Variants in REDIC1 observed in about 807,000 individuals in gnomAD.
REDIC1 encodes the protein HEI10 Interacting Protein 1.
At chr12:39,649,736 C>A in the REDIC1 span, among the ~76,000 whole-genome samples, 1 of 151,838 alleles carries the variant, frequency 6.6e-6, no homozygotes, top group African/African-American at 2.4e-5. Context: ...AGGGTACTTT[C>A]CACATTAACA....
the REDIC1 span, among the ~76,000 whole-genome samples, chr12:39,711,560 CATGTGT>C: frequency 2.4e-5 from 1 of 41,718 alleles, no homozygotes; most frequent in Non-Finnish European, 7.4e-5. Context: ...CATACACATG[CATGTGT>C]ATATGTGCAT....
chr12:39,653,492 GTCTTCTTCTTCTTCT>G, the REDIC1 span, among the ~76,000 whole-genome samples: 156 of 54,360 alleles, frequency 2.9e-3, 3 homozygotes, highest in African/African-American at 8.2e-3. Context: ...CAATCTGGAT[GTCTTCTTCTTCTTCT>G]TCTTCTTCTT....
At chr12:39,651,277 G>T in the REDIC1 span, among the ~76,000 whole-genome samples, 2 of 152,012 alleles carry the variant, frequency 1.3e-5, no homozygotes, top group African/African-American at 4.8e-5. Context: ...CCTATTTTTG[G>T]ACTGCGGTTG....
the REDIC1 span, among the ~76,000 whole-genome samples, chr12:39,689,388 G>A: frequency 6.6e-6 from 1 of 152,194 alleles, no homozygotes; most frequent in Non-Finnish European, 1.5e-5. Flanking sequence ...CTGATTCAGA[G>A]GAGGAGCAAT....
At chr12:39,721,001 AGT>A in the REDIC1 span, 1 of 1,613,818 alleles carries the variant, frequency 6.2e-7, no homozygotes, top group African/African-American at 1.3e-5. Context: ...CCACAGTTGC[AGT>A]GCAATTCAGC....
chr12:39,683,029 G>GA, the REDIC1 span: 29 of 1,613,204 alleles, frequency 1.8e-5, no homozygotes, highest in Non-Finnish European at 2.5e-5. Flanking sequence ...AAGTTATCCA[G>GA]AAAAATGTCA....
At chr12:39,830,139 A>G in the REDIC1 span, 2 of 1,613,640 alleles carry the variant, frequency 1.2e-6, no homozygotes, top group East Asian at 2.2e-5. Context: ...TGCTTTATTA[A>G]CTGGAACACA....
At chr12:39,903,890 G>C in the REDIC1 span, among the ~76,000 whole-genome samples, 1 of 152,110 alleles carries the variant, frequency 6.6e-6, no homozygotes, top group East Asian at 1.9e-4. Flanking sequence ...TGATGAAGCA[G>C]CCTATCAAAC....
the REDIC1 span, among the ~76,000 whole-genome samples, chr12:39,649,530 T>G: frequency 6.6e-6 from 1 of 150,764 alleles, no homozygotes; most frequent in Non-Finnish European, 1.5e-5. Flanking sequence ...TCTCTGACTT[T>G]AGTCTATTTT....
At chr12:39,891,120 CTT>C in the REDIC1 span, among the ~76,000 whole-genome samples, 3 of 145,672 alleles carry the variant, frequency 2.1e-5, no homozygotes, top group East Asian at 2.0e-4. Context: ...TCAAATATAC[CTT>C]TTTTTTTTTA....
At chr12:39,665,241 G>C in the REDIC1 span, among the ~76,000 whole-genome samples, 1 of 152,032 alleles carries the variant, frequency 6.6e-6, no homozygotes, top group South Asian at 2.1e-4. Context: ...TCTTGAATTA[G>C]TTTTTGTATA....
the REDIC1 span, among the ~76,000 whole-genome samples, chr12:39,895,711 CACAT>C: frequency 1.8e-4 from 26 of 141,386 alleles, no homozygotes; most frequent in African/African-American, 6.8e-4. Flanking sequence ...TATACGTACA[CACAT>C]ATGTATATGC....
At chr12:39,884,538 G>A in the REDIC1 span, among the ~76,000 whole-genome samples, 96 of 152,244 alleles carry the variant, frequency 6.3e-4, no homozygotes, top group Non-Finnish European at 1.1e-3. Context: ...GTCTCAATAA[G>A]ATGCAATTAA....
the REDIC1 span, among the ~76,000 whole-genome samples, chr12:39,664,925 T>G: frequency 1.7e-4 from 26 of 152,226 alleles, no homozygotes; most frequent in Admixed American, 3.9e-4. Flanking sequence ...ATGCGGTTGT[T>G]TTTTTCTTGT....
At chr12:39,746,865 C>A in the REDIC1 span, among the ~76,000 whole-genome samples, 8 of 152,224 alleles carry the variant, frequency 5.3e-5, no homozygotes, top group Non-Finnish European at 1.2e-4. Flanking sequence ...AGCTGAGGGT[C>A]CTGACTGTTA....
chr12:39,794,609 G>A, the REDIC1 span, among the ~76,000 whole-genome samples: 1 of 152,132 alleles, frequency 6.6e-6, no homozygotes, highest in East Asian at 1.9e-4. Flanking sequence ...CAAAGGCAGA[G>A]CTGTAACCAA....
chr12:39,798,442 T>C, the REDIC1 span, among the ~76,000 whole-genome samples: 1 of 152,358 alleles, frequency 6.6e-6, no homozygotes, highest in South Asian at 2.1e-4. Flanking sequence ...TTAACTTGAA[T>C]AAGTAACTGA....
At chr12:39,835,693 T>A in the REDIC1 span, 9 of 152,226 alleles carry the variant, frequency 5.9e-5, no homozygotes, top group South Asian at 1.9e-3. Context: ...ACTCTGTATC[T>A]GTAGAACAGC....
At chr12:39,711,316 C>A in the REDIC1 span, among the ~76,000 whole-genome samples, 28 of 142,274 alleles carry the variant, frequency 2.0e-4, no homozygotes, top group East Asian at 4.0e-3. Context: ...GTGTATATAT[C>A]CATATATGTA....
Sources: allele counts gnomAD v4.1 joint callset (sites outside exome capture counted in the v4.1 genomes callset), GRCh38; gene constraint gnomAD v4.1.1; transcripts MANE v1.5; gene names NCBI Gene and HGNC (gene_info 2026-07-23, HGNC 2026-07-21).